The following ANKFN1 variants were observed in gnomAD, a reference collection of about 807,000 sequenced individuals.
The protein encoded by ANKFN1 is ankyrin repeat and fibronectin type-III domain-containing protein 1.
ANKFN1 carries 74 observed loss-of-function variants against 108.7 expected under a neutral mutation model. The observed-to-expected ratio is 0.68, with a 90% CI of 0.56 to 0.83. The LOEUF is 0.83. ANKFN1 is among the 40% of genes least tolerant of loss of function. The probability of loss-of-function intolerance (pLI) is 0.00; values close to 1 mark genes in which losing one functional copy is unlikely to be tolerated. For missense variants in ANKFN1, 1,505 were observed against 1,382.3 expected (o/e 1.09, Z -1.41); for synonymous variants, 547 against 516.2 (o/e 1.06, Z -0.81).
intron 1 of ANKFN1, among the ~76,000 whole-genome samples, chr17:56,190,122 C>T (rs60828966): frequency 0.27 from 34,497 of 128,776 alleles, 5,018 homozygotes; most frequent in East Asian, 0.47. Context: ...ATTAGTCTTG[C>T]TAGCGGTCTA....
At chr17:56,356,352 A>T (rs994279394) in intron 6 of ANKFN1, among the ~76,000 whole-genome samples, 8 of 152,226 alleles carry the variant, frequency 5.3e-5, no homozygotes, top group African/African-American at 1.9e-4. Flanking sequence ...AAGTAAACTC[A>T]TCAAACTGTT....
intron 1 of ANKFN1, among the ~76,000 whole-genome samples, chr17:56,179,817 C>T (rs1003700253): frequency 6.8e-4 from 103 of 152,178 alleles, no homozygotes; most frequent in Admixed American, 6.7e-3. Flanking sequence ...TTAGTGGACA[C>T]ATACTAAGCC....
chr17:56,053,196 G>A (rs1402321427), intron 4 of ANKFN1, among the ~76,000 whole-genome samples: 6 of 152,008 alleles, frequency 3.9e-5, no homozygotes, highest in African/African-American at 1.5e-4. Context: ...GTATGTATCT[G>A]TGGGGAACAT....
chr17:56,242,369 A>G (rs1196659582), intron 3 of ANKFN1, among the ~76,000 whole-genome samples: 1 of 152,128 alleles, frequency 6.6e-6, no homozygotes, highest in African/African-American at 2.4e-5. Context: ...TTAATCTTTT[A>G]TAAACTTTAA....
At chr17:56,172,804 G>A (rs1026129661) in intron 1 of ANKFN1, among the ~76,000 whole-genome samples, 1 of 152,156 alleles carries the variant, frequency 6.6e-6, no homozygotes, top group African/African-American at 2.4e-5. Flanking sequence ...GGCACTACCT[G>A]ACAACTGATA....
chr17:56,103,820 CA>C (rs1200128096), intron 4 of ANKFN1, among the ~76,000 whole-genome samples: 1 of 152,166 alleles, frequency 6.6e-6, no homozygotes, highest in Admixed American at 6.5e-5. Flanking sequence ...ATCCAGGAAG[CA>C]GCAGTTCATT....
At chr17:56,219,444 A>T (rs556438054) in intron 2 of ANKFN1, among the ~76,000 whole-genome samples, 22 of 152,132 alleles carry the variant, frequency 1.4e-4, no homozygotes, top group South Asian at 6.2e-4. Context: ...ATGGGATTTT[A>T]CCATGTTGGC....
At chr17:56,174,826 T>A (rs140574079) in intron 1 of ANKFN1, among the ~76,000 whole-genome samples, 1 of 152,312 alleles carries the variant, frequency 6.6e-6, no homozygotes, top group East Asian at 1.9e-4. Context: ...TGAATGTCAG[T>A]GTTTGAAAGC....
chr17:56,485,771 A>T (rs2050836105), intron 18 of ANKFN1, among the ~76,000 whole-genome samples: 1 of 152,236 alleles, frequency 6.6e-6, no homozygotes, highest in Non-Finnish European at 1.5e-5. Context: ...ATACTTTGGG[A>T]TGTGATAGCC....
At chr17:56,375,904 T>C (rs117057337) in intron 8 of ANKFN1, among the ~76,000 whole-genome samples, 415 of 152,218 alleles carry the variant, frequency 2.7e-3, no homozygotes, top group Non-Finnish European at 4.6e-3. Context: ...ACAGAGGCAA[T>C]GAGAAGTTAA....
At chr17:56,094,519 C>T (rs12451383) in intron 4 of ANKFN1, among the ~76,000 whole-genome samples, 1,568 of 113,580 alleles carry the variant, frequency 0.014, 49 homozygotes, top group Middle Eastern at 0.029. Flanking sequence ...CTTGTTTTGT[C>T]GCCAGGCTGC....
chr17:56,414,370 G>C (rs1269131922), intron 8 of ANKFN1, among the ~76,000 whole-genome samples: 1 of 152,160 alleles, frequency 6.6e-6, no homozygotes, highest in East Asian at 1.9e-4. Context: ...GGGTGGAAGA[G>C]GAGGAACTTC....
At chr17:56,121,756 A>T (rs932042106) in intron 4 of ANKFN1, among the ~76,000 whole-genome samples, 2 of 152,218 alleles carry the variant, frequency 1.3e-5, no homozygotes, top group Non-Finnish European at 2.9e-5. Flanking sequence ...GATCATTAAC[A>T]TTGGTTATAT....
chr17:56,061,321 G>A (rs1225955627), intron 4 of ANKFN1, among the ~76,000 whole-genome samples: 6 of 121,840 alleles, frequency 4.9e-5, no homozygotes, highest in African/African-American at 1.9e-4. Flanking sequence ...ACCCAGGCTG[G>A]AGTGCAGTGG....
chr17:56,048,485 T>C (rs536916662), intron 4 of ANKFN1, among the ~76,000 whole-genome samples: 2 of 152,322 alleles, frequency 1.3e-5, no homozygotes, highest in East Asian at 1.9e-4. Flanking sequence ...TTCTTTATTT[T>C]TTTCTCTCCC....
chr17:56,189,170 C>CATTTTTTTT lies in ANKFN1; in HGVS notation c.-70-23428_-70-23427insATTTTTTTT, dbSNP rs1555607722. Among the ~76,000 whole-genome samples, 20 of 85,284 alleles carry CATTTTTTTT rather than the reference C, an allele frequency of 2.3e-4. 1 individual carries two copies. Among genetic ancestry groups the CATTTTTTTT allele is most frequent in the African/African-American group, 3.4e-4 (5 of 14,730 alleles). The allele number at this position is 85,284 out of a possible 152,430, so 55.9% of individuals were successfully genotyped here. ...CCTAAGTAAGTAAATGTTGCCCTGA[C>CATTTTTTTT]TTTTTTTTTTTTTTTTTTGAGACGG... On this transcript the variant is annotated intron_variant, in intron 1 of 20. Transcript: ENST00000682825.
intron 6 of ANKFN1, among the ~76,000 whole-genome samples, chr17:56,355,967 C>A (rs1434905605): frequency 1.3e-5 from 2 of 152,228 alleles, no homozygotes; most frequent in East Asian, 3.9e-4. Flanking sequence ...CTCTTCTCAG[C>A]TCTTGACAAC....
intron 8 of ANKFN1, among the ~76,000 whole-genome samples, chr17:56,392,333 G>T (rs887877424): frequency 6.6e-6 from 1 of 152,114 alleles, no homozygotes; most frequent in Non-Finnish European, 1.5e-5. Flanking sequence ...TGCATGAATT[G>T]GTCTCTGAAT....
intron 2 of ANKFN1, among the ~76,000 whole-genome samples, chr17:56,220,495 A>T (rs60731677): frequency 0.13 from 19,430 of 151,632 alleles, 1,736 homozygotes; most frequent in African/African-American, 0.24. Flanking sequence ...CATCTTTATT[A>T]AAAAAAATAC....
Sources: allele counts gnomAD v4.1 joint callset (sites outside exome capture counted in the v4.1 genomes callset), GRCh38; gene constraint gnomAD v4.1.1; transcripts MANE v1.5; gene names NCBI Gene and HGNC (gene_info 2026-07-23, HGNC 2026-07-21).